The following GRM5 variants were observed in gnomAD, a reference collection of about 807,000 sequenced individuals.
The protein encoded by GRM5 is metabotropic glutamate receptor 5.
Under a neutral mutation model 83.1 loss-of-function variants are expected in GRM5, and 19 were observed. The ratio of observed to expected loss-of-function variants is 0.23; its 90% CI spans 0.16 to 0.34. The LOEUF (loss-of-function observed/expected upper bound fraction) is 0.34, where lower values mean the gene tolerates loss of function less well. Among genes scored for constraint, GRM5 ranks in the 10% least tolerant of loss-of-function variants. The pLI is 1.00. For synonymous variants in GRM5, 675 were observed against 633.6 expected, an observed-to-expected ratio of 1.07 and a Z score of -0.98; for missense variants, 1,160 against 1,588.3, an observed-to-expected ratio of 0.73 and a Z score of 4.58.
intron 6 of GRM5, among the ~76,000 whole-genome samples, chr11:88,592,072 T>C (rs1311853281): frequency 6.6e-6 from 1 of 152,114 alleles, no homozygotes; most frequent in East Asian, 1.9e-4. Flanking sequence ...AAACATTGAG[T>C]CTTACTGGAA....
Position 88,814,549 on chromosome 11 carries a change from C to A in GRM5, c.911+35357G>T, listed in dbSNP as rs148117322. 7.8e-3 allele frequency among the ~76,000 whole-genome samples: 1,182 copies of A among 152,222 alleles called. 20 individuals carry two copies. Among genetic ancestry groups the A allele is most frequent in the African/African-American group, 0.027 (1,115 of 41,536 alleles). ...CAGTAGAATACTCAGAAGACTATTG[C>A]CTCTGCAGTGGAGAATATTTCTATA... On this transcript the variant is annotated intron_variant, in intron 3 of 9. Coordinates refer to ENST00000305447, the MANE Select transcript of GRM5 (RefSeq NM_001143831.3).
intron 3 of GRM5, among the ~76,000 whole-genome samples, chr11:88,692,220 C>T (rs1002879240): frequency 1.3e-5 from 2 of 152,140 alleles, no homozygotes; most frequent in African/African-American, 4.8e-5. Flanking sequence ...TCACTAGGTA[C>T]TATACTAATT....
intron 6 of GRM5, among the ~76,000 whole-genome samples, chr11:88,596,383 G>A (rs1356626562): frequency 6.6e-6 from 1 of 152,014 alleles, no homozygotes; most frequent in Non-Finnish European, 1.5e-5. Context: ...ACTTATGCCA[G>A]CATCTTGGTC....
chr11:88,587,088 G>A (rs1022467062), intron 7 of GRM5, among the ~76,000 whole-genome samples: 20 of 152,162 alleles, frequency 1.3e-4, no homozygotes. Flanking sequence ...GGACAGCTAT[G>A]TCCATGAGAG....
chr11:88,922,246 G>A (rs1829454755), intron 2 of GRM5, among the ~76,000 whole-genome samples: 1 of 152,186 alleles, frequency 6.6e-6, no homozygotes, highest in Non-Finnish European at 1.5e-5. Flanking sequence ...TAAAATTTAT[G>A]TGGAACCACA....
intron 3 of GRM5, among the ~76,000 whole-genome samples, chr11:88,732,614 C>G (rs902794984): frequency 6.6e-6 from 1 of 151,974 alleles, no homozygotes; most frequent in Non-Finnish European, 1.5e-5. Flanking sequence ...ATTCTGATAT[C>G]AAAGTTTCTT....
chr11:88,924,972 G>T (rs567624283), intron 2 of GRM5, among the ~76,000 whole-genome samples: 1 of 151,920 alleles, frequency 6.6e-6, no homozygotes, highest in Admixed American at 6.6e-5. Context: ...AATCATTTTG[G>T]GGGAGGGAAG....
At chr11:88,704,587 C>A (rs1313134640) in intron 3 of GRM5, among the ~76,000 whole-genome samples, 2 of 152,056 alleles carry the variant, frequency 1.3e-5, no homozygotes, top group African/African-American at 4.8e-5. Context: ...ATTTAATGGA[C>A]CAAGGAGAAA....
At chr11:88,631,855 G>T (rs149376084) in intron 4 of GRM5, among the ~76,000 whole-genome samples, 1 of 152,110 alleles carries the variant, frequency 6.6e-6, no homozygotes, top group South Asian at 2.1e-4. Context: ...AGAGATAAGG[G>T]ACTTGGTTAT....
intron 2 of GRM5, among the ~76,000 whole-genome samples, chr11:89,000,470 T>G (rs1565329326): frequency 6.6e-6 from 1 of 152,256 alleles, no homozygotes; most frequent in South Asian, 2.1e-4. Context: ...TCATAGCCTT[T>G]TTAATAAGTG....
chr11:88,982,301 C>A (rs964086635), intron 2 of GRM5, among the ~76,000 whole-genome samples: 1 of 152,090 alleles, frequency 6.6e-6, no homozygotes, highest in Non-Finnish European at 1.5e-5. Flanking sequence ...TATTTCATAG[C>A]CCTTACATTT....
chr11:88,687,579 A>ATAATATATATATAT (rs1250226972), intron 3 of GRM5, among the ~76,000 whole-genome samples: 1 of 46,880 alleles, frequency 2.1e-5, no homozygotes, highest in African/African-American at 2.0e-4. Context: ...ATATATATAT[A>ATAATATATATATAT]ATATATATAT....
chr11:88,607,323 T>A (rs945188285), intron 4 of GRM5, among the ~76,000 whole-genome samples: 5 of 152,212 alleles, frequency 3.3e-5, no homozygotes, highest in African/African-American at 1.2e-4. Flanking sequence ...CTCTTTTTCC[T>A]TCATACCTTC....
At chr11:89,055,645 T>C (rs1941857308) in intron 1 of GRM5, among the ~76,000 whole-genome samples, 1 of 152,008 alleles carries the variant, frequency 6.6e-6, no homozygotes, top group Non-Finnish European at 1.5e-5. Flanking sequence ...TGGTATCAGC[T>C]CTTATATAAT....
intron 4 of GRM5, among the ~76,000 whole-genome samples, chr11:88,633,524 A>G (rs1050822248): frequency 6.6e-6 from 1 of 152,040 alleles, no homozygotes; most frequent in Non-Finnish European, 1.5e-5. Context: ...TTTGAGATGG[A>G]TTCTTGCTTT....
At chr11:89,010,407 C>T (rs1212320327) in intron 2 of GRM5, among the ~76,000 whole-genome samples, 1 of 152,114 alleles carries the variant, frequency 6.6e-6, no homozygotes, top group Non-Finnish European at 1.5e-5. Flanking sequence ...TACATAACCC[C>T]TGCTTCCCAA....
chr11:88,958,760 T>C (rs1350890303), intron 2 of GRM5, among the ~76,000 whole-genome samples: 5 of 152,324 alleles, frequency 3.3e-5, no homozygotes, highest in Admixed American at 1.3e-4. Flanking sequence ...TGGTATTTAC[T>C]ATATTAAAAA....
At chr11:88,604,242 G>C (rs1938079584) in intron 5 of GRM5, among the ~76,000 whole-genome samples, 1 of 152,074 alleles carries the variant, frequency 6.6e-6, no homozygotes, top group African/African-American at 2.4e-5. Flanking sequence ...GATCCAGCTG[G>C]AGAATAATAA....
At chr11:88,820,987 T>C (rs1348127304) in intron 3 of GRM5, among the ~76,000 whole-genome samples, 3 of 152,188 alleles carry the variant, frequency 2.0e-5, no homozygotes, top group Admixed American at 6.5e-5. Context: ...TATTCTGATG[T>C]ATAAGACATC....
Sources: gnomAD v4.1 joint callset for allele counts (sites outside exome capture counted in the v4.1 genomes callset) on GRCh38, gnomAD v4.1.1 for gene constraint, MANE v1.5 for transcripts, NCBI Gene and HGNC (gene_info 2026-07-23, HGNC 2026-07-21) for gene names.